UBE3D: variants seen among roughly 807,000 people sequenced by gnomAD.
UBE3D encodes the protein ubiquitin protein ligase E3D.
In UBE3D, 48 loss-of-function variants were observed where a neutral mutation model predicts 49.6. That is an observed-to-expected ratio of 0.97 (90% CI 0.77 to 1.23). UBE3D has a LOEUF of 1.23. Among genes scored for constraint, UBE3D ranks in the 50% most tolerant of loss-of-function variants. UBE3D has a pLI of 0.00. For missense variants in UBE3D, 452 were observed against 468.4 expected, an observed-to-expected ratio of 0.96 and a Z score of 0.32; for synonymous variants, 189 against 174.2, an observed-to-expected ratio of 1.08 and a Z score of -0.67.
Position 82,892,893 on chromosome 6 carries a change from T to A in UBE3D, c.*129A>T, listed in dbSNP as rs1026691900. ...CAAACAAGTAAACTTAAAACTTCAA[T>A]GCAATGCTCTTATCCCATAGCTCTG... On this transcript the variant is annotated 3_prime_UTR_variant, in exon 10 of 10. Coordinates refer to ENST00000369747, the MANE Select transcript of UBE3D (RefSeq NM_198920.3). The A allele has an allele frequency of 8.3e-6, 9 of 1,083,464 alleles. No homozygotes were observed. Among genetic ancestry groups the A allele is most frequent in the Admixed American group, 6.9e-5 (4 of 58,164 alleles). The allele number at this position is 1,083,464 out of a possible 1,614,324, so 67.1% of individuals were successfully genotyped here. A position where few individuals can be genotyped will look rare whatever the true frequency, so the allele number is the denominator to read the frequency against.
intron 9 of UBE3D, among the ~76,000 whole-genome samples, chr6:82,897,027 C>T (rs1364650206): frequency 6.6e-6 from 1 of 152,086 alleles, no homozygotes; most frequent in African/African-American, 2.4e-5. Context: ...GCATCAGCCA[C>T]TCTGCCTGGC....
chr6:82,883,802 G>A, the UBE3D span, among the ~76,000 whole-genome samples: 3 of 152,126 alleles, frequency 2.0e-5, no homozygotes, highest in African/African-American at 4.8e-5. Flanking sequence ...AAGAGAACAA[G>A]AATGGTCAAA....
chr6:82,993,138 G>GAGAC (rs1779012510), intron 8 of UBE3D, among the ~76,000 whole-genome samples: 1 of 150,988 alleles, frequency 6.6e-6, no homozygotes. Flanking sequence ...GAGAGAGAGA[G>GAGAC]AGACAGAGAG....
rs552057079 is a variant in UBE3D, at chr6:83,031,377, T to C, written c.667+7039A>G. ...AGAGCATAAAAGTTTGGAAAATTTG[T>C]AGCTGGACGATTAGGTAGAAAAGAA... On this transcript the variant is annotated intron_variant, in intron 5 of 9. Coordinates refer to ENST00000369747, the MANE Select transcript of UBE3D (RefSeq NM_198920.3). Among the ~76,000 whole-genome samples, 4 of 152,290 alleles carry C rather than the reference T, an allele frequency of 2.6e-5. No homozygotes were observed. In the South Asian group the frequency reaches 6.2e-4, roughly 24 times the overall value.
intron 9 of UBE3D, chr6:82,938,451 A>G (rs1272562221): frequency 6.6e-6 from 1 of 152,234 alleles, no homozygotes; most frequent in African/African-American, 2.4e-5. Flanking sequence ...CCAATGGCAG[A>G]AAGAGGAGTG....
At chr6:83,061,382 T>A (rs1181710424) in intron 1 of UBE3D, among the ~76,000 whole-genome samples, 4 of 152,220 alleles carry the variant, frequency 2.6e-5, no homozygotes, top group African/African-American at 9.6e-5. Context: ...TGATGTAAGA[T>A]GGTAGCAACA....
At chr6:83,040,403 C>CTCTA (rs1554210187) in intron 4 of UBE3D, among the ~76,000 whole-genome samples, 49 of 83,636 alleles carry the variant, frequency 5.9e-4, no homozygotes, top group Non-Finnish European at 7.1e-4. Context: ...CTCTCTCTCT[C>CTCTA]TATATATATA....
intron 8 of UBE3D, among the ~76,000 whole-genome samples, chr6:82,991,082 G>A (rs1264648819): frequency 6.6e-6 from 1 of 152,126 alleles, no homozygotes; most frequent in African/African-American, 2.4e-5. Context: ...TTACCATGTG[G>A]GCTCTCCATA....
At chr6:83,034,233 C>G (rs1379739070) in intron 5 of UBE3D, among the ~76,000 whole-genome samples, 1 of 152,192 alleles carries the variant, frequency 6.6e-6, no homozygotes, top group Non-Finnish European at 1.5e-5. Context: ...TACCACCCCA[C>G]ACACAAACTC....
chr6:83,008,981 TA>T (rs1420468524), intron 8 of UBE3D, among the ~76,000 whole-genome samples: 2 of 152,100 alleles, frequency 1.3e-5, no homozygotes, highest in African/African-American at 4.8e-5. Flanking sequence ...ATTTGGAGTT[TA>T]AAAAAACCTA....
chr6:82,940,794 C>T (rs1180411513), intron 9 of UBE3D, among the ~76,000 whole-genome samples: 1 of 152,156 alleles, frequency 6.6e-6, no homozygotes, highest in South Asian at 2.1e-4. Context: ...GGAGATGAAA[C>T]AGAGGAAAGA....
chr6:83,022,871 C>T (rs913170102), intron 6 of UBE3D, among the ~76,000 whole-genome samples: 3 of 152,106 alleles, frequency 2.0e-5, no homozygotes, highest in Non-Finnish European at 4.4e-5. Flanking sequence ...TCCATTTGTG[C>T]TGTAGCATAT....
intron 8 of UBE3D, among the ~76,000 whole-genome samples, chr6:83,000,451 T>G (rs1562170068): frequency 6.6e-6 from 1 of 152,190 alleles, no homozygotes; most frequent in Non-Finnish European, 1.5e-5. Flanking sequence ...CTCAAATCTA[T>G]TGCAGCTACC....
At chr6:82,903,877 G>C (rs1478275279) in intron 9 of UBE3D, among the ~76,000 whole-genome samples, 1 of 152,132 alleles carries the variant, frequency 6.6e-6, no homozygotes, top group African/African-American at 2.4e-5. Context: ...AAGCTGAAGA[G>C]GATGCTATGT....
At chr6:82,998,195 T>C (rs762177583) in intron 8 of UBE3D, among the ~76,000 whole-genome samples, 28 of 152,234 alleles carry the variant, frequency 1.8e-4, no homozygotes, top group South Asian at 1.2e-3. Context: ...AATAATTAAA[T>C]GTTCCGTTTA....
intron 8 of UBE3D, among the ~76,000 whole-genome samples, chr6:83,016,717 A>G (rs1206340541): frequency 6.6e-6 from 1 of 151,832 alleles, no homozygotes; most frequent in Non-Finnish European, 1.5e-5. Context: ...AAAGATATGT[A>G]TAATATAAAA....
In UBE3D at chr6:83,065,789, G is replaced by A. The variant is rs1784472196; in HGVS notation, c.-71C>T. 1 of 1,476,874 alleles carries A rather than the reference G, an allele frequency of 6.8e-7. No individual in the cohort carries two copies. The allele number at this position is 1,476,874 out of a possible 1,614,324, so 91.5% of individuals were successfully genotyped here. A position where few individuals can be genotyped will look rare whatever the true frequency, so the allele number is the denominator to read the frequency against. On this transcript the variant is annotated 5_prime_UTR_variant, in exon 1 of 10. Transcript: ENST00000369747. Reference sequence around the variant, plus strand: ...GGCCCGGGTCAACAGGACCAGGAGAGGTTCCACGTGCGGACCAACCAGCGG... The same window carrying A: ...GGCCCGGGTCAACAGGACCAGGAGAAGTTCCACGTGCGGACCAACCAGCGG...
chr6:82,924,583 T>C (rs73749464), intron 9 of UBE3D, among the ~76,000 whole-genome samples: 2,014 of 152,318 alleles, frequency 0.013, 36 homozygotes, highest in African/African-American at 0.045. Flanking sequence ...TTACCATTTA[T>C]AGAATATCAT....
At chr6:82,894,204 A>G (rs1407600005) in intron 9 of UBE3D, among the ~76,000 whole-genome samples, 1 of 151,690 alleles carries the variant, frequency 6.6e-6, no homozygotes, top group Non-Finnish European at 1.5e-5. Context: ...CCCCCCAACC[A>G]TTTCATAGTC....
Sources: gnomAD v4.1 joint callset for allele counts (sites outside exome capture counted in the v4.1 genomes callset) on GRCh38, gnomAD v4.1.1 for gene constraint, MANE v1.5 for transcripts, NCBI Gene and HGNC (gene_info 2026-07-23, HGNC 2026-07-21) for gene names.